TRAPPC9: variants seen among roughly 807,000 people sequenced by gnomAD.
TRAPPC9 encodes the protein trafficking protein particle complex subunit 9.
TRAPPC9 carries 83 observed loss-of-function variants against 124.0 expected under a neutral mutation model. The ratio of observed to expected loss-of-function variants is 0.67; its 90% CI spans 0.56 to 0.80. The LOEUF (loss-of-function observed/expected upper bound fraction) is 0.80. Among genes scored for constraint, TRAPPC9 ranks in the 30% least tolerant of loss-of-function variants. The pLI, the probability that TRAPPC9 is intolerant of heterozygous loss-of-function variation, is 0.00. For missense variants in TRAPPC9, 1,302 were observed against 1,508.3 expected (o/e 0.86, Z 2.27); for synonymous variants, 638 against 617.5 (o/e 1.03, Z -0.49).
chr8:140,377,589 C>G (rs1290682632), intron 7 of TRAPPC9, among the ~76,000 whole-genome samples: 1 of 152,128 alleles, frequency 6.6e-6, no homozygotes, highest in Admixed American at 6.5e-5. Context: ...GCCACTGCAC[C>G]CAGCCAAGTT....
At chr8:140,386,816 C>T (rs1044324789) in intron 7 of TRAPPC9, among the ~76,000 whole-genome samples, 6 of 152,156 alleles carry the variant, frequency 3.9e-5, no homozygotes, top group Non-Finnish European at 8.8e-5. Context: ...GAAAAAACTA[C>T]TCTAAAGTTC....
chr8:140,237,267 A>G lies in TRAPPC9; in HGVS notation c.2431+15510T>C, dbSNP rs75792792. Among the ~76,000 whole-genome samples the G allele has an allele frequency of 6.7e-3, 1,021 of 151,940 alleles. 7 individuals are homozygous for G. The highest frequency in any genetic ancestry group is 0.023 in the African/African-American group (964 of 41,462). On this transcript the variant is annotated intron_variant, in intron 16 of 22. Transcript: ENST00000438773. ...CCAAAAAGCTCCTGAACAATCATCTAGTAGGGAGACTTGCCCCATCAGACC... is the reference window on the plus strand; with the variant it reads ...CCAAAAAGCTCCTGAACAATCATCTGGTAGGGAGACTTGCCCCATCAGACC...
At chr8:140,171,192 G>C (rs926507080) in intron 17 of TRAPPC9, among the ~76,000 whole-genome samples, 6 of 152,216 alleles carry the variant, frequency 3.9e-5, no homozygotes, top group African/African-American at 1.4e-4. Flanking sequence ...TGGATCTCTG[G>C]CTAAACAACC....
At chr8:140,074,248 C>T (rs146512142) in intron 17 of TRAPPC9, among the ~76,000 whole-genome samples, 7 of 152,202 alleles carry the variant, frequency 4.6e-5, no homozygotes, top group African/African-American at 1.7e-4. Flanking sequence ...CTACACCCCT[C>T]CAGCCCAGGG....
At chr8:140,166,974 T>C (rs2061850052) in intron 17 of TRAPPC9, among the ~76,000 whole-genome samples, 1 of 152,198 alleles carries the variant, frequency 6.6e-6, no homozygotes, top group Admixed American at 6.5e-5. Flanking sequence ...GCATCATTGC[T>C]ACTTAGCTTG....
At chr8:139,987,691 TGTAA>T (rs1563667900) in intron 19 of TRAPPC9, among the ~76,000 whole-genome samples, 1 of 152,128 alleles carries the variant, frequency 6.6e-6, no homozygotes, top group East Asian at 1.9e-4. Flanking sequence ...GAATTCCATG[TGTAA>T]GTGTGTGTCC....
At chr8:139,805,696 T>C (rs973218180) in intron 21 of TRAPPC9, among the ~76,000 whole-genome samples, 1 of 152,122 alleles carries the variant, frequency 6.6e-6, no homozygotes, top group African/African-American at 2.4e-5. Context: ...AAGGAGCCCG[T>C]AGCATGAGTG....
intron 2 of TRAPPC9, among the ~76,000 whole-genome samples, chr8:140,445,797 G>A (rs1279059227): frequency 6.6e-6 from 1 of 152,256 alleles, no homozygotes; most frequent in Non-Finnish European, 1.5e-5. Flanking sequence ...TTGGACCAGA[G>A]CACTGAGGAA....
Position 140,128,420 on chromosome 8 carries a change from G to T in TRAPPC9, c.2556+93039C>A, listed in dbSNP as rs139285857. On this transcript the variant is annotated intron_variant, in intron 17 of 22. Transcript: ENST00000438773. ...CACCCTGTGCCCAGCCAGAATGGAG[G>T]CTGCATACAAGAAGCAGTGACTAAT... 3.2e-3 allele frequency among the ~76,000 whole-genome samples: 489 copies of T among 152,362 alleles called. 4 individuals carry two copies. Among genetic ancestry groups the T allele is most frequent in the African/African-American group, 0.01 (433 of 41,580 alleles).
chr8:140,076,310 T>C (rs1445189066), intron 17 of TRAPPC9, among the ~76,000 whole-genome samples: 1 of 152,176 alleles, frequency 6.6e-6, no homozygotes, highest in Non-Finnish European at 1.5e-5. Context: ...GGCTGCTGTG[T>C]GTGTGGCCCT....
At chr8:140,389,276 G>A (rs770323934) in intron 7 of TRAPPC9, among the ~76,000 whole-genome samples, 4 of 152,260 alleles carry the variant, frequency 2.6e-5, no homozygotes, top group Middle Eastern at 3.4e-3. Context: ...TAGGTAAAGG[G>A]CATATAAGTG....
rs75097665 is a variant in TRAPPC9, at chr8:140,065,612, T to G, written c.2557-41533A>C. Among the ~76,000 whole-genome samples, 927 of 152,350 alleles carry G rather than the reference T, an allele frequency of 6.1e-3. 13 individuals are homozygous for G. Among genetic ancestry groups the G allele is most frequent in the African/African-American group, 0.021 (888 of 41,574 alleles). On this transcript the variant is annotated intron_variant, in intron 17 of 22. Transcript: ENST00000438773. The stretch of plus-strand genomic sequence containing the variant: ...GAGGACCCCTAAGAATGATGCTAAA[T>G]CTACTCAGCCTGTGCTTTTAAGTGG...
intron 21 of TRAPPC9, among the ~76,000 whole-genome samples, chr8:139,757,031 A>C (rs1586778042): frequency 7.4e-6 from 1 of 135,594 alleles, no homozygotes; most frequent in African/African-American, 2.8e-5. Flanking sequence ...GGATGAGGAC[A>C]GCAGGTCGCA....
chr8:140,133,305 C>A (rs1236407073), intron 17 of TRAPPC9, among the ~76,000 whole-genome samples: 1 of 152,296 alleles, frequency 6.6e-6, no homozygotes, highest in South Asian at 2.1e-4. Context: ...TGGAAAAGAT[C>A]CACATGATCA....
At chr8:140,449,111 G>A (rs780327538) in intron 2 of TRAPPC9, among the ~76,000 whole-genome samples, 18 of 152,314 alleles carry the variant, frequency 1.2e-4, no homozygotes, top group Middle Eastern at 6.8e-3. Context: ...CCAACTCTGA[G>A]GGCTGGATTT....
At chr8:140,138,315 A>G (rs1587789194) in intron 17 of TRAPPC9, among the ~76,000 whole-genome samples, 1 of 152,250 alleles carries the variant, frequency 6.6e-6, no homozygotes, top group East Asian at 1.9e-4. Context: ...AAATAAATAA[A>G]TAAATGTAAA....
chr8:139,782,518 A>G (rs1821905166), intron 21 of TRAPPC9, among the ~76,000 whole-genome samples: 1 of 152,272 alleles, frequency 6.6e-6, no homozygotes. Flanking sequence ...CAAAAAATAC[A>G]TAAGAATCCT....
At chr8:140,230,473 A>C (rs1413718539) in intron 16 of TRAPPC9, among the ~76,000 whole-genome samples, 1 of 152,068 alleles carries the variant, frequency 6.6e-6, no homozygotes, top group African/African-American at 2.4e-5. Context: ...TTAGCTGGGC[A>C]TGGTGGCAGG....
At chr8:139,778,528 AAC>A (rs1821554337) in intron 21 of TRAPPC9, among the ~76,000 whole-genome samples, 1 of 152,206 alleles carries the variant, frequency 6.6e-6, no homozygotes. Context: ...AGGACATTAA[AAC>A]AGTTATCATA....
Sources: allele counts gnomAD v4.1 joint callset (sites outside exome capture counted in the v4.1 genomes callset), GRCh38; gene constraint gnomAD v4.1.1; transcripts MANE v1.5; gene names NCBI Gene and HGNC (gene_info 2026-07-23, HGNC 2026-07-21).